Variants in BRAP observed in about 807,000 individuals in gnomAD.
The protein encoded by BRAP is BRCA1-associated protein.
In BRAP, 42 loss-of-function variants were observed where a neutral mutation model predicts 73.4. The ratio of observed to expected loss-of-function variants is 0.57; its 90% CI spans 0.45 to 0.74. The LOEUF (loss-of-function observed/expected upper bound fraction) is 0.74. BRAP is among the 30% of genes least tolerant of loss of function. BRAP has a pLI of 0.00. For missense variants in BRAP, 593 were observed against 751.4 expected, an observed-to-expected ratio of 0.79 and a Z score of 2.46; for synonymous variants, 255 against 267.4, an observed-to-expected ratio of 0.95 and a Z score of 0.45.
intron 1 of BRAP, 101 bp from the exon 2 acceptor site, chr12:111,683,408 C>T (rs1887679911): frequency 1.1e-5 from 15 of 1,350,746 alleles, no homozygotes; most frequent in South Asian, 4.3e-5. Flanking sequence ...TCCTGCCTTC[C>T]GCCAAGATGA....
chr12:111,655,437 C>A (rs2135902049), intron 10 of BRAP, 129 bp downstream of exon 10: 1 of 672,092 alleles, frequency 1.5e-6, no homozygotes. Context: ...AAACAGTTCT[C>A]CACCTATTAC....
In BRAP at chr12:111,659,351, G is replaced by A. The variant is rs146054350; in HGVS notation, c.973-6C>T. 1.6e-3 allele frequency: 2,604 copies of A among 1,610,428 alleles called. 3 individuals are homozygous for A. Among genetic ancestry groups the A allele is most frequent in the Non-Finnish European group, 2.0e-3 (2,350 of 1,177,840 alleles). ...ATTAAACAAATCCAAAGATTCTGCC[G>A]GAAGAGGTAAGATCTTAATTAGTTA... On this transcript the variant is annotated splice_polypyrimidine_tract_variant and splice_region_variant and intron_variant, in intron 7 of 11. Coordinates refer to ENST00000419234, the MANE Select transcript of BRAP (RefSeq NM_006768.5).
chr12:111,645,581 A>C (rs1886080826), intron 11 of BRAP, among the ~76,000 whole-genome samples: 1 of 152,140 alleles, frequency 6.6e-6, no homozygotes, highest in Non-Finnish European at 1.5e-5. Flanking sequence ...CATTTGCTGA[A>C]GGGGAAAAAA....
At chr12:111,663,946 T>TA (rs1886844352) in intron 6 of BRAP, among the ~76,000 whole-genome samples, 2 of 152,154 alleles carry the variant, frequency 1.3e-5, no homozygotes, top group African/African-American at 4.8e-5. Context: ...TCCTCCTGTA[T>TA]AAAATGAGGT....
intron 7 of BRAP, among the ~76,000 whole-genome samples, 158 bp downstream of exon 7, chr12:111,660,439 CAGG>C (rs1221373708): frequency 2.6e-5 from 4 of 151,820 alleles, no homozygotes; most frequent in Non-Finnish European, 4.4e-5. Flanking sequence ...CGCTCGAGGC[CAGG>C]AGTTCGAGAC....
At chr12:111,683,458 A>C in intron 1 of BRAP, 151 bp from the exon 2 acceptor site, 1 of 822,112 alleles carries the variant, frequency 1.2e-6, no homozygotes, top group Non-Finnish European at 1.9e-6. Flanking sequence ...CAACTCTGGG[A>C]CCACTGCAGT....
chr12:111,679,477 ACCC>A, intron 3 of BRAP, 137 bp from the exon 4 acceptor site: 1 of 521,660 alleles, frequency 1.9e-6, no homozygotes, highest in Non-Finnish European at 3.0e-6. Context: ...TCTATATTAT[ACCC>A]CCCATTGGAC....
At chr12:111,676,330 G>T (rs1403259138) in intron 4 of BRAP, among the ~76,000 whole-genome samples, 1 of 152,176 alleles carries the variant, frequency 6.6e-6, no homozygotes, top group Non-Finnish European at 1.5e-5. Context: ...GGCTGCCTAG[G>T]TTTGAACCCT....
Position 111,650,049 on chromosome 12 carries a change from G to T in BRAP, c.1312-7C>A. 1 of 1,552,804 alleles carries T rather than the reference G, an allele frequency of 6.4e-7. No homozygotes were observed. Among genetic ancestry groups the T allele is most frequent in the South Asian group, 1.1e-5 (1 of 89,296 alleles). ...TGGTCTTCATGTTGTTAATCTGAAA[G>T]AGCAAAGAGAAATCAGATTCATTTC... On this transcript the variant is annotated splice_polypyrimidine_tract_variant and splice_region_variant and intron_variant, in intron 10 of 11. Coordinates refer to ENST00000419234, the MANE Select transcript of BRAP (RefSeq NM_006768.5).
chr12:111,684,377 A>G (rs2135934000), intron 1 of BRAP, among the ~76,000 whole-genome samples: 1 of 152,350 alleles, frequency 6.6e-6, no homozygotes, highest in East Asian at 1.9e-4. Context: ...CTATAAAGTC[A>G]TATTCAATCT....
At chr12:111,679,123 G>T in intron 4 of BRAP, 28 bp downstream of exon 4, 4 of 1,420,258 alleles carry the variant, frequency 2.8e-6, no homozygotes, top group Middle Eastern at 2.0e-4. Flanking sequence ...GTGGCAAAGA[G>T]ATTTTTAATA....
chr12:111,663,616 C>A (rs1275594774), intron 6 of BRAP, among the ~76,000 whole-genome samples: 1 of 152,162 alleles, frequency 6.6e-6, no homozygotes, highest in African/African-American at 2.4e-5. Context: ...TACTGCAGCC[C>A]TTCCTGAGTA....
intron 1 of BRAP, 27 bp downstream of exon 1, chr12:111,685,684 G>T: frequency 6.3e-7 from 1 of 1,594,086 alleles, no homozygotes; most frequent in South Asian, 1.1e-5. Flanking sequence ...CCGGCTACAG[G>T]GAATGCGGCG....
chr12:111,658,831 G>T lies in BRAP; in HGVS notation c.1126C>A (p.Arg376=), dbSNP rs758352961. 1.2e-6 allele frequency: 2 copies of T among 1,606,142 alleles called. No individual in the cohort carries two copies. The highest frequency in any genetic ancestry group is 2.7e-5 in the African/African-American group (2 of 74,734). The part of the protein sequence containing the change: ...WDYAGDNYVH[R]LVASKTDGKI... ...CCATCTGTTTTACTTGCAACCAGTCGATGAACATAGTTATCTACAGAAAGA... is the reference window on the plus strand; with the variant it reads ...CCATCTGTTTTACTTGCAACCAGTCTATGAACATAGTTATCTACAGAAAGA... Residue 376 remains arginine (R), a synonymous_variant, in exon 9 of 12, where the codon CGA becomes AGA. Transcript: ENST00000419234.
At chr12:111,645,993 C>A (rs1886097285) in intron 11 of BRAP, among the ~76,000 whole-genome samples, 1 of 151,294 alleles carries the variant, frequency 6.6e-6, no homozygotes, top group South Asian at 2.1e-4. Flanking sequence ...TTGTCTCAAA[C>A]AAACAACCCA....
intron 11 of BRAP, among the ~76,000 whole-genome samples, chr12:111,647,877 C>T (rs1458680307): frequency 6.8e-6 from 1 of 147,900 alleles, no homozygotes; most frequent in Admixed American, 6.8e-5. Flanking sequence ...GCAACAAGAG[C>T]GAAACTCCGT....
intron 6 of BRAP, among the ~76,000 whole-genome samples, chr12:111,663,070 T>C (rs1387560135): frequency 6.6e-6 from 1 of 151,974 alleles, no homozygotes; most frequent in Non-Finnish European, 1.5e-5. Flanking sequence ...AATTTGATCT[T>C]GAAAAGAAAA....
intron 5 of BRAP, among the ~76,000 whole-genome samples, chr12:111,666,788 A>G (rs1886961189): frequency 6.6e-6 from 1 of 152,224 alleles, no homozygotes; most frequent in Non-Finnish European, 1.5e-5. Context: ...GAAAAAGCAC[A>G]TTAACCTACA....
Position 111,658,619 on chromosome 12 carries a change from C to T in BRAP, c.1221+117G>A, listed in dbSNP as rs1022765287. On this transcript the variant is annotated intron_variant, in intron 9 of 11. Transcript: ENST00000419234. ...GATTACAGGCATAAGCCACTGCGCC[C>T]GGCCATGACCAAACTTTAAAAAAAA... The T allele has an allele frequency of 1.7e-5, 13 of 781,088 alleles. 1 individual carries two copies. Among genetic ancestry groups the T allele is most frequent in the Non-Finnish European group, 2.4e-5 (12 of 507,956 alleles). 48.4% of individuals were successfully genotyped at this position (781,088 alleles called of 1,614,324 possible).
Sources: gnomAD v4.1 joint callset for allele counts (sites outside exome capture counted in the v4.1 genomes callset) on GRCh38, gnomAD v4.1.1 for gene constraint, MANE v1.5 for transcripts, NCBI Gene and HGNC (gene_info 2026-07-23, HGNC 2026-07-21) for gene names.